The following SP100 variants were observed in gnomAD, a reference collection of about 807,000 sequenced individuals.
SP100 encodes SP100 nuclear body protein.
SP100 carries 84 observed loss-of-function variants against 130.0 expected under a neutral mutation model. The ratio of observed to expected loss-of-function variants is 0.65; its 90% CI spans 0.54 to 0.77. The LOEUF (loss-of-function observed/expected upper bound fraction) is 0.77, where lower values mean the gene tolerates loss of function less well. Ranked by LOEUF, SP100 falls within the 30% of genes least tolerant of loss-of-function variation. The probability of loss-of-function intolerance (pLI) is 0.00; values close to 1 mark genes in which losing one functional copy is unlikely to be tolerated. For synonymous variants in SP100, 331 were observed against 351.7 expected, an observed-to-expected ratio of 0.94 and a Z score of 0.66; for missense variants, 978 against 1,052.2, an observed-to-expected ratio of 0.93 and a Z score of 0.97.
chr2:230,446,879 G>T lies in SP100; in HGVS notation c.500G>T (p.Gly167Val). The stretch of plus-strand genomic sequence containing the variant: ...GAAGAAGAGAGGGAGGAGAGGTCTG[G>T]CCTCCAACTAAGTCTTGAACAAGGT... ...SEEEEREERS[G>V]LQLSLEQGTG... The change falls in exon 5 of 29, where the codon GGC (glycine) becomes GTC (valine). Residue 167 changes from glycine (G) to valine (V), a missense_variant. Transcript: ENST00000340126. The T allele has an allele frequency of 1.2e-5, 20 of 1,609,878 alleles. No homozygotes were observed. The highest frequency in any genetic ancestry group is 1.7e-5 in the Non-Finnish European group (20 of 1,176,620).
At chr2:230,495,155 G>C (rs1430046055) in intron 18 of SP100, among the ~76,000 whole-genome samples, 1 of 152,150 alleles carries the variant, frequency 6.6e-6, no homozygotes, top group African/African-American at 2.4e-5. Flanking sequence ...TGCCAGCCTT[G>C]ATTAGGAAAT....
intron 8 of SP100, among the ~76,000 whole-genome samples, chr2:230,452,387 G>A (rs2064033908): frequency 6.6e-6 from 1 of 152,018 alleles, no homozygotes; most frequent in African/African-American, 2.4e-5. Flanking sequence ...ATGTTGGTCG[G>A]GCTGGTCTTG....
chr2:230,455,754 C>G (rs1290608683), intron 8 of SP100, among the ~76,000 whole-genome samples: 1 of 152,150 alleles, frequency 6.6e-6, no homozygotes, highest in Non-Finnish European at 1.5e-5. Context: ...TAGTGATACA[C>G]TTTGATTCCT....
chr2:230,508,219 G>A (rs1367496337), intron 23 of SP100, 188 bp downstream of exon 23: 17 of 801,502 alleles, frequency 2.1e-5, no homozygotes, highest in East Asian at 1.2e-4. Context: ...ACATCAAAAC[G>A]TTTGAGATAG....
chr2:230,477,923 A>G (rs868583441), intron 17 of SP100, among the ~76,000 whole-genome samples: 8 of 139,508 alleles, frequency 5.7e-5, no homozygotes, highest in Middle Eastern at 3.4e-3. Context: ...TGACAGAACA[A>G]GACCCTGTCT....
At chr2:230,497,212 C>A (rs999441135) in intron 18 of SP100, among the ~76,000 whole-genome samples, 1 of 152,006 alleles carries the variant, frequency 6.6e-6, no homozygotes, top group African/African-American at 2.4e-5. Context: ...CTCGAGTAAA[C>A]GGAACTAAAC....
rs752510918 is a variant in SP100, at chr2:230,542,953, T to C, written c.*7T>C. The C allele has an allele frequency of 6.9e-6, 10 of 1,442,150 alleles. No homozygotes were observed. Among genetic ancestry groups the C allele is most frequent in the Non-Finnish European group, 9.8e-6 (10 of 1,024,682 alleles). 89.3% of individuals were successfully genotyped at this position (1,442,150 alleles called of 1,614,324 possible). On this transcript the variant is annotated 3_prime_UTR_variant, in exon 29 of 29. Transcript: ENST00000340126. ...CATTATAATGTTTATTTAGCCATTC[T>C]TATCTCCTCCCTTCAGATCCTCTGG...
intron 24 of SP100, among the ~76,000 whole-genome samples, chr2:230,536,194 A>T (rs1691932281): frequency 6.6e-6 from 1 of 152,118 alleles, no homozygotes; most frequent in African/African-American, 2.4e-5. Flanking sequence ...GTGTTTCAGA[A>T]GAAACCTATA....
intron 8 of SP100, among the ~76,000 whole-genome samples, chr2:230,450,895 T>A (rs1297374434): frequency 1.3e-5 from 2 of 152,242 alleles, no homozygotes; most frequent in Non-Finnish European, 2.9e-5. Flanking sequence ...TGATGGGTAC[T>A]TAGGTTGTTT....
At chr2:230,479,436 T>A (rs2065728771) in intron 17 of SP100, among the ~76,000 whole-genome samples, 1 of 152,238 alleles carries the variant, frequency 6.6e-6, no homozygotes, top group Non-Finnish European at 1.5e-5. Flanking sequence ...CCACTTCCAT[T>A]TGCCAGACCT....
intron 24 of SP100, among the ~76,000 whole-genome samples, chr2:230,522,326 C>T (rs10084296): frequency 1.3e-5 from 2 of 151,712 alleles, no homozygotes; most frequent in African/African-American, 4.9e-5. Context: ...TACTGTTTAG[C>T]CCCAATATTC....
chr2:230,438,648 T>TATACACACAC (rs1246055755), intron 2 of SP100, among the ~76,000 whole-genome samples: 1,364 of 127,462 alleles, frequency 0.011, 9 homozygotes, highest in Non-Finnish European at 0.015. Flanking sequence ...TGTATATATA[T>TATACACACAC]ACACACACAC....
At chr2:230,511,625 G>T (rs553877916) in intron 24 of SP100, among the ~76,000 whole-genome samples, 2 of 150,786 alleles carry the variant, frequency 1.3e-5, no homozygotes, top group Non-Finnish European at 2.9e-5. Flanking sequence ...TGGTGAGTTC[G>T]AGGTATGGAC....
Position 230,511,108 on chromosome 2 carries a change from T to C in SP100, c.2053-17T>C. ...TCACACTCAATATTGTACCAATCTT[T>C]CTGTTTTTTTCAACAGAGAATACTG... On this transcript the variant is annotated splice_polypyrimidine_tract_variant and intron_variant, in intron 23 of 28. Transcript: ENST00000340126. 2 of 1,568,756 alleles carry C rather than the reference T, an allele frequency of 1.3e-6. No homozygotes were observed. The highest frequency in any genetic ancestry group is 2.2e-5 in the East Asian group (1 of 44,652).
intron 11 of SP100, among the ~76,000 whole-genome samples, chr2:230,465,499 C>G (rs770503640): frequency 2.6e-5 from 4 of 152,114 alleles, no homozygotes; most frequent in Non-Finnish European, 5.9e-5. Context: ...AACAGAAAAC[C>G]AAATACCATA....
At chr2:230,480,182 T>C (rs890679) in intron 17 of SP100, among the ~76,000 whole-genome samples, 1 of 152,240 alleles carries the variant, frequency 6.6e-6, no homozygotes, top group Non-Finnish European at 1.5e-5. Context: ...GCAAGGACTT[T>C]GTTTTATTCA....
chr2:230,473,118 C>G, intron 15 of SP100: 1 of 467,686 alleles, frequency 2.1e-6, no homozygotes, highest in Non-Finnish European at 3.9e-6. Context: ...ATTAATTGAC[C>G]CTTTATTTCA....
At chr2:230,463,984 G>A (rs1016842973) in intron 10 of SP100, 83 bp from the exon 11 acceptor site, 4 of 942,188 alleles carry the variant, frequency 4.2e-6, no homozygotes, top group Non-Finnish European at 6.8e-6. Flanking sequence ...GGTTTTCCAG[G>A]TTTTCTTATT....
chr2:230,448,208 G>T (rs2063795601), intron 5 of SP100, among the ~76,000 whole-genome samples: 2 of 152,140 alleles, frequency 1.3e-5, no homozygotes, highest in African/African-American at 4.8e-5. Context: ...CATGTAGAGA[G>T]ACTCAGAAAG....
Sources: gnomAD v4.1 joint callset for allele counts (sites outside exome capture counted in the v4.1 genomes callset) on GRCh38, gnomAD v4.1.1 for gene constraint, MANE v1.5 for transcripts, NCBI Gene and HGNC (gene_info 2026-07-23, HGNC 2026-07-21) for gene names.